Variants in TSPAN2 observed in about 807,000 individuals in gnomAD.
TSPAN2 encodes tetraspanin 2.
A neutral mutation model predicts 33.3 loss-of-function variants in TSPAN2; 24 were observed. That is an observed-to-expected ratio of 0.72 (90% CI 0.52 to 1.01). TSPAN2 has a LOEUF of 1.01. Among genes scored for constraint, TSPAN2 ranks in the 50% least tolerant of loss-of-function variants. TSPAN2 has a pLI of 0.00. For synonymous variants in TSPAN2, 114 were observed against 104.5 expected (o/e 1.09, Z -0.56); for missense variants, 278 against 281.3 (o/e 0.99, Z 0.08).
At chr1:115,079,169 G>GCACA (rs1557884521) in intron 1 of TSPAN2, among the ~76,000 whole-genome samples, 2 of 117,290 alleles carry the variant, frequency 1.7e-5, no homozygotes, top group Admixed American at 1.6e-4. Flanking sequence ...ACACACACAC[G>GCACA]CGCATGCTGC....
At chr1:115,056,458 A>C (rs1647429981) in intron 6 of TSPAN2, among the ~76,000 whole-genome samples, 1 of 152,158 alleles carries the variant, frequency 6.6e-6, no homozygotes, top group Non-Finnish European at 1.5e-5. Flanking sequence ...AGACCTTCTT[A>C]GGCTTTCAGT....
intron 1 of TSPAN2, among the ~76,000 whole-genome samples, chr1:115,075,786 A>G (rs1469164327): frequency 6.6e-6 from 1 of 152,170 alleles, no homozygotes; most frequent in Non-Finnish European, 1.5e-5. Context: ...CTTTAGTCTC[A>G]ACCCCTCTTG....
chr1:115,061,136 A>G (rs1372182471), intron 3 of TSPAN2, among the ~76,000 whole-genome samples: 1 of 152,238 alleles, frequency 6.6e-6, no homozygotes, highest in Non-Finnish European at 1.5e-5. Context: ...ACAGTAGGAG[A>G]AAGAGAAGGA....
intron 6 of TSPAN2, among the ~76,000 whole-genome samples, chr1:115,056,036 C>T (rs1372548585): frequency 6.6e-6 from 1 of 152,082 alleles, no homozygotes; most frequent in Non-Finnish European, 1.5e-5. Flanking sequence ...CATACTTAAT[C>T]CTCTAGTCTT....
chr1:115,083,828 G>A (rs1648728418), intron 1 of TSPAN2, among the ~76,000 whole-genome samples: 1 of 152,150 alleles, frequency 6.6e-6, no homozygotes, highest in African/African-American at 2.4e-5. Flanking sequence ...AGGTACTGAG[G>A]GATTGGGAGA....
intron 1 of TSPAN2, among the ~76,000 whole-genome samples, chr1:115,084,182 C>A (rs1373014374): frequency 1.3e-5 from 2 of 152,200 alleles, no homozygotes; most frequent in Non-Finnish European, 2.9e-5. Flanking sequence ...ACAACTATTA[C>A]TGATATGTTA....
rs377443589 is a variant in TSPAN2 at position 115,057,653 on chromosome 1, G to T, written c.445-45C>A. On this transcript the variant is annotated intron_variant, in intron 5 of 7. Coordinates refer to ENST00000369516, the MANE Select transcript of TSPAN2 (RefSeq NM_005725.6). Reference sequence around the variant, plus strand: ...ACTTCAGGACCAGGCGGGAGGAGTAGCAGCTACAAGTCTGGGCACCCTGCT... The same window carrying T: ...ACTTCAGGACCAGGCGGGAGGAGTATCAGCTACAAGTCTGGGCACCCTGCT... 3.1e-6 allele frequency: 5 copies of T among 1,591,224 alleles called. No individual in the cohort carries two copies. The South Asian group carries it at 5.5e-5, about 18-fold the overall frequency.
At chr1:115,056,255 T>A (rs1462973273) in intron 6 of TSPAN2, among the ~76,000 whole-genome samples, 2 of 152,196 alleles carry the variant, frequency 1.3e-5, no homozygotes, top group Non-Finnish European at 2.9e-5. Context: ...TGTTTAATGG[T>A]AATTTGGACT....
intron 1 of TSPAN2, among the ~76,000 whole-genome samples, chr1:115,086,940 G>A (rs1648858020): frequency 1.3e-5 from 2 of 151,962 alleles, no homozygotes; most frequent in African/African-American, 4.8e-5. Flanking sequence ...TTTTTGAGAT[G>A]GAGTTTCGCT....
chr1:115,085,318 C>T (rs1224245431), intron 1 of TSPAN2, among the ~76,000 whole-genome samples: 2 of 152,154 alleles, frequency 1.3e-5, no homozygotes, highest in African/African-American at 4.8e-5. Context: ...CAGTCAGCGG[C>T]CCTGGGCCAG....
At chr1:115,068,884 G>C (rs1391915871) in intron 2 of TSPAN2, among the ~76,000 whole-genome samples, 1 of 152,190 alleles carries the variant, frequency 6.6e-6, no homozygotes, top group Non-Finnish European at 1.5e-5. Context: ...CCACTATCCA[G>C]AGAGGCAGCA....
chr1:115,067,350 A>G (rs999663941), intron 2 of TSPAN2, among the ~76,000 whole-genome samples: 22 of 152,376 alleles, frequency 1.4e-4, no homozygotes, highest in African/African-American at 5.3e-4. Flanking sequence ...CTGAAAGTAC[A>G]GGGCTGGGAG....
intron 2 of TSPAN2, among the ~76,000 whole-genome samples, chr1:115,066,751 T>A (rs1647966783): frequency 6.6e-6 from 1 of 152,230 alleles, no homozygotes; most frequent in African/African-American, 2.4e-5. Flanking sequence ...CATATAATAA[T>A]GCAAATATCT....
intron 3 of TSPAN2, 45 bp downstream of exon 3, chr1:115,062,090 G>T: frequency 2.8e-6 from 4 of 1,448,470 alleles, no homozygotes; most frequent in Non-Finnish European, 2.8e-6. Context: ...GATGCAGGCC[G>T]CTCCCTCACC....
Position 115,050,269 on chromosome 1 carries a change from A to G in TSPAN2, c.*221T>C. ...TACGTATAAAGCATATTCCAGAAAC[A>G]CGCAGATCACACATGAATATGCTCT... On this transcript the variant is annotated 3_prime_UTR_variant, in exon 8 of 8. Transcript: ENST00000369516. 1.7e-6 allele frequency: 1 copy of G among 573,166 alleles called. No individual in the cohort carries two copies. Among genetic ancestry groups the G allele is most frequent in the Non-Finnish European group, 3.1e-6 (1 of 325,898 alleles). The allele number at this position is 573,166 out of a possible 1,614,324, so 35.5% of individuals were successfully genotyped here.
At chr1:115,087,420 C>T (rs191955378) in intron 1 of TSPAN2, among the ~76,000 whole-genome samples, 9 of 151,626 alleles carry the variant, frequency 5.9e-5, no homozygotes, top group East Asian at 4.0e-4. Flanking sequence ...TGGAGACCAT[C>T]CTGGCTAACA....
At chr1:115,066,838 T>C (rs1431495191) in intron 2 of TSPAN2, among the ~76,000 whole-genome samples, 1 of 152,242 alleles carries the variant, frequency 6.6e-6, no homozygotes, top group Non-Finnish European at 1.5e-5. Flanking sequence ...TTGGAATGTT[T>C]GCATTACACT....
At chr1:115,079,167 A>ACACACG (rs1010371523) in intron 1 of TSPAN2, among the ~76,000 whole-genome samples, 1 of 115,726 alleles carries the variant, frequency 8.6e-6, no homozygotes, top group Non-Finnish European at 2.1e-5. Flanking sequence ...ACACACACAC[A>ACACACG]CGCGCATGCT....
At chr1:115,061,650 C>A (rs1458666074) in intron 3 of TSPAN2, among the ~76,000 whole-genome samples, 1 of 152,172 alleles carries the variant, frequency 6.6e-6, no homozygotes, top group African/African-American at 2.4e-5. Flanking sequence ...CCATATAAGG[C>A]AGGAACAAAG....
Sources: gnomAD v4.1 joint callset for allele counts (sites outside exome capture counted in the v4.1 genomes callset) on GRCh38, gnomAD v4.1.1 for gene constraint, MANE v1.5 for transcripts, NCBI Gene and HGNC (gene_info 2026-07-23, HGNC 2026-07-21) for gene names.